Variants in ADAMTSL1 observed in about 807,000 individuals in gnomAD.
The protein encoded by ADAMTSL1 is ADAMTS-like protein 1.
A neutral mutation model predicts 201.8 loss-of-function variants in ADAMTSL1; 126 were observed. That is an observed-to-expected ratio of 0.62 (90% CI 0.54 to 0.72). The LOEUF (loss-of-function observed/expected upper bound fraction) is 0.72. ADAMTSL1 is among the 30% of genes least tolerant of loss of function. The pLI, the probability that ADAMTSL1 is intolerant of heterozygous loss-of-function variation, is 0.00. For missense variants in ADAMTSL1, 2,679 were observed against 2,277.8 expected (o/e 1.18, Z -3.59); for synonymous variants, 1,121 against 903.4 (o/e 1.24, Z -4.32).
intron 2 of ADAMTSL1, among the ~76,000 whole-genome samples, chr9:18,246,091 C>A: frequency 6.6e-6 from 1 of 152,058 alleles, no homozygotes. Flanking sequence ...ACAGATTCTG[C>A]CCTTGGGGAA....
intron 2 of ADAMTSL1, among the ~76,000 whole-genome samples, chr9:18,405,167 A>G (rs1316223052): frequency 6.6e-6 from 1 of 152,176 alleles, no homozygotes; most frequent in African/African-American, 2.4e-5. Context: ...TTCCAACTAT[A>G]TTGAAATTGA....
chr9:18,350,400 A>C (rs1835915824), intron 2 of ADAMTSL1, among the ~76,000 whole-genome samples: 1 of 152,154 alleles, frequency 6.6e-6, no homozygotes, highest in African/African-American at 2.4e-5. Flanking sequence ...AAGTTGCAAG[A>C]TGCCATGTCG....
intron 2 of ADAMTSL1, among the ~76,000 whole-genome samples, chr9:18,527,953 C>A (rs1819193940): frequency 6.6e-6 from 1 of 152,164 alleles, no homozygotes. Context: ...TCTCGGCTCA[C>A]TGCAAGCTCC....
intron 2 of ADAMTSL1, among the ~76,000 whole-genome samples, chr9:18,394,155 C>G (rs1189451217): frequency 2.0e-4 from 30 of 148,344 alleles, no homozygotes. Context: ...AAAAGTACAA[C>G]TAGAACAAGG....
chr9:18,157,368 T>A lies in ADAMTSL1; in HGVS notation c.88-6494T>A, dbSNP rs117446165. Among the ~76,000 whole-genome samples the A allele has an allele frequency of 2.8e-3, 424 of 151,710 alleles. 1 individual carries two copies. Among genetic ancestry groups the A allele is most frequent in the Middle Eastern group, 0.014 (4 of 292 alleles). On this transcript the variant is annotated intron_variant, in intron 1 of 29. Coordinates refer to the ADAMTSL1 transcript ENST00000680146. ...TCTTGTCAAGGTGTAGATATCTATC[T>A]ACTTTAATGATAAAGTAGGTATGCC...
At chr9:18,020,785 T>C (rs1820450187) in intron 1 of ADAMTSL1, among the ~76,000 whole-genome samples, 1 of 152,120 alleles carries the variant, frequency 6.6e-6, no homozygotes, top group Admixed American at 6.6e-5. Context: ...GTCTACCTCA[T>C]TGGTGCTCCT....
chr9:17,949,979 C>T (rs1016191107), intron 1 of ADAMTSL1, among the ~76,000 whole-genome samples: 1 of 151,996 alleles, frequency 6.6e-6, no homozygotes, highest in Non-Finnish European at 1.5e-5. Context: ...AGTGCAATGG[C>T]CTGATCTTGG....
chr9:18,861,592 TAGC>T (rs1425205673), intron 23 of ADAMTSL1, among the ~76,000 whole-genome samples: 1 of 152,180 alleles, frequency 6.6e-6, no homozygotes. Context: ...GCAAGACAAA[TAGC>T]AGGCATTTGG....
chr9:18,252,554 T>C (rs1831505521), intron 2 of ADAMTSL1, among the ~76,000 whole-genome samples: 1 of 152,156 alleles, frequency 6.6e-6, no homozygotes. Context: ...ATGTAAACAA[T>C]TGTTATACTA....
At chr9:18,721,451 C>T (rs1214376953) in intron 14 of ADAMTSL1, 85 bp from the exon 15 acceptor site, 1 of 1,552,686 alleles carries the variant, frequency 6.4e-7, no homozygotes, top group Admixed American at 1.8e-5. Flanking sequence ...CAGGGACCTC[C>T]CACCAGCTGC....
chr9:18,347,937 G>T (rs1835794906), intron 2 of ADAMTSL1, among the ~76,000 whole-genome samples: 1 of 152,178 alleles, frequency 6.6e-6, no homozygotes, highest in South Asian at 2.1e-4. Flanking sequence ...GACCTGGAAA[G>T]ATTCCAAAAA....
intron 1 of ADAMTSL1, among the ~76,000 whole-genome samples, chr9:18,122,722 G>A (rs780942901): frequency 2.5e-4 from 38 of 152,084 alleles, no homozygotes; most frequent in Non-Finnish European, 4.3e-4. Context: ...TCTTTTCAGC[G>A]GTGCTGGTAC....
chr9:18,629,743 G>A lies in ADAMTSL1; in HGVS notation c.602-6200G>A, dbSNP rs560125113. Among the ~76,000 whole-genome samples, 5 of 152,194 alleles carry A rather than the reference G, an allele frequency of 3.3e-5. No homozygotes were observed. The South Asian group carries it at 1.0e-3, about 32-fold the overall frequency. On this transcript the variant is annotated intron_variant, in intron 5 of 28. Transcript: ENST00000380548. Reference sequence around the variant, plus strand: ...TTGGTGTTAGTATTAGCACAAAATGGCCTCAAACGATGAGTAGAGAAGTAA... The same window carrying A: ...TTGGTGTTAGTATTAGCACAAAATGACCTCAAACGATGAGTAGAGAAGTAA...
intron 2 of ADAMTSL1, among the ~76,000 whole-genome samples, chr9:18,294,286 G>C (rs192136966): frequency 5.9e-5 from 9 of 152,254 alleles, no homozygotes; most frequent in Admixed American, 4.6e-4. Flanking sequence ...AATTCTTCAG[G>C]TTTCCTCTAA....
chr9:17,916,167 C>A (rs1307247523), intron 1 of ADAMTSL1, among the ~76,000 whole-genome samples: 4 of 152,220 alleles, frequency 2.6e-5, no homozygotes, highest in Non-Finnish European at 1.5e-5. Flanking sequence ...GTGGTCTGCT[C>A]ACTTCAGCCT....
chr9:18,169,608 G>A (rs1277796699), intron 2 of ADAMTSL1, among the ~76,000 whole-genome samples: 1 of 152,098 alleles, frequency 6.6e-6, no homozygotes, highest in African/African-American at 2.4e-5. Context: ...TGGCGATGCG[G>A]GCTCTTTTTT....
chr9:18,372,304 G>A (rs984420191), intron 2 of ADAMTSL1, among the ~76,000 whole-genome samples: 2 of 152,196 alleles, frequency 1.3e-5, no homozygotes, highest in Non-Finnish European at 2.9e-5. Context: ...GAGGCCTGGG[G>A]AAGGATACGA....
chr9:18,617,403 C>A (rs187482139), intron 4 of ADAMTSL1, among the ~76,000 whole-genome samples: 19 of 152,062 alleles, frequency 1.2e-4, no homozygotes, highest in Admixed American at 1.2e-3. Context: ...GGAAGAAACC[C>A]CTACTGCAGG....
At position 18,777,496 on chromosome 9, in the gene ADAMTSL1, C is replaced by A; in HGVS notation, c.3267C>A (p.Pro1089=). Residue 1089 remains proline, a synonymous_variant, in exon 19 of 29, where the codon CCC becomes CCA. Coordinates refer to ENST00000380548, the MANE Select transcript of ADAMTSL1 (RefSeq NM_001040272.6). ...DDILGNLSQQ[P]EELRDLYSKH... is the part of the protein sequence containing the mutation. ...TCCTGGGGAACCTCTCCCAGCAGCC[C>A]GAGGAGCTGCGCGACCTCTACAGCA... The A allele has an allele frequency of 1.3e-6, 2 of 1,594,542 alleles. No homozygotes were observed. The highest frequency in any genetic ancestry group is 2.3e-5 in the East Asian group (1 of 43,722).
Sources: allele counts gnomAD v4.1 joint callset (sites outside exome capture counted in the v4.1 genomes callset), GRCh38; gene constraint gnomAD v4.1.1; transcripts MANE v1.5; gene names NCBI Gene and HGNC (gene_info 2026-07-23, HGNC 2026-07-21).